Variants in FOXJ2 observed in about 807,000 individuals in gnomAD.
FOXJ2 encodes forkhead box J2.
In FOXJ2, 18 loss-of-function variants were observed where a neutral mutation model predicts 68.4. That is an observed-to-expected ratio of 0.26 (90% CI 0.18 to 0.39). The LOEUF (loss-of-function observed/expected upper bound fraction) is 0.39. Among genes scored for constraint, FOXJ2 ranks in the 10% least tolerant of loss-of-function variants. The pLI is 1.00. For missense variants in FOXJ2, 670 were observed against 726.5 expected (o/e 0.92, Z 0.89); for synonymous variants, 274 against 263.2 (o/e 1.04, Z -0.40).
chr12:8,033,682 G>T lies in FOXJ2; in HGVS notation c.-166G>T, dbSNP rs905378139. Reference sequence around the variant, plus strand: ...TGACTCCTCATCCTCAGGGGACCCAGTTCCCCTCACCAACTTGGGAGGCTC... The same window carrying T: ...TGACTCCTCATCCTCAGGGGACCCATTTCCCCTCACCAACTTGGGAGGCTC... On this transcript the variant is annotated 5_prime_UTR_variant, in exon 1 of 11. Coordinates refer to ENST00000162391, the MANE Select transcript of FOXJ2 (RefSeq NM_018416.3). 1.3e-5 allele frequency: 2 copies of T among 152,782 alleles called. No individual in the cohort carries two copies. Among genetic ancestry groups the T allele is most frequent in the Non-Finnish European group, 2.9e-5 (2 of 68,206 alleles). 9.5% of individuals were successfully genotyped at this position (152,782 alleles called of 1,614,324 possible).
chr12:8,052,030 G>T (rs141849254), intron 10 of FOXJ2, among the ~76,000 whole-genome samples: 7 of 151,904 alleles, frequency 4.6e-5, no homozygotes, highest in African/African-American at 1.7e-4. Flanking sequence ...CACTGTGCCT[G>T]GCTAATTTTT....
rs906698351 is a variant in FOXJ2 at position 8,048,206 on chromosome 12, A to G, written c.1142A>G (p.His381Arg). 6 of 1,611,804 alleles carry G rather than the reference A, an allele frequency of 3.7e-6. No homozygotes were observed. Among genetic ancestry groups the G allele is most frequent in the Non-Finnish European group, 3.4e-6 (4 of 1,178,796 alleles). The part of the protein sequence containing the change: ...QHGGYHPHQH[H>R]PHSHPAQQPP... ...GGAGGCTACCACCCTCATCAGCACC[A>G]TCCCCACTCCCACCCTGCCCAGCAG... Residue 381 changes from histidine (H) to arginine (R), a missense_variant, in exon 7 of 11, where the codon CAT becomes CGT. Physicochemically the swap from His to Arg is conservative, Grantham distance 29. Transcript: ENST00000162391.
At chr12:8,039,732 T>C in intron 1 of FOXJ2, 87 bp from the exon 2 acceptor site, 1 of 1,143,068 alleles carries the variant, frequency 8.7e-7, no homozygotes, top group Non-Finnish European at 1.2e-6. Context: ...GGAATGAGAG[T>C]AGGAAGAAAC....
At chr12:8,039,186 T>A (rs777019315) in intron 1 of FOXJ2, among the ~76,000 whole-genome samples, 1 of 152,126 alleles carries the variant, frequency 6.6e-6, no homozygotes, top group Admixed American at 6.5e-5. Context: ...CTTCACTGTT[T>A]ATGAGTCTGT....
chr12:8,046,308 G>A (rs1380367655), intron 6 of FOXJ2, among the ~76,000 whole-genome samples: 1 of 152,160 alleles, frequency 6.6e-6, no homozygotes, highest in African/African-American at 2.4e-5. Flanking sequence ...AGATGCAAAA[G>A]TGTGGAGAAA....
In FOXJ2 at chr12:8,033,443, G is replaced by C. The variant is rs777996424; in HGVS notation, c.-405G>C. On this transcript the variant is annotated 5_prime_UTR_variant, in exon 1 of 11. Coordinates refer to ENST00000162391, the MANE Select transcript of FOXJ2 (RefSeq NM_018416.3). ...TGCCTAGACAGTGGAACGGGGTGGA[G>C]CCCCTCCGCTCCTATCTCCAGCAGA... 2 of 152,718 alleles carry C rather than the reference G, an allele frequency of 1.3e-5. No homozygotes were observed. Among genetic ancestry groups the C allele is most frequent in the African/African-American group, 4.8e-5 (2 of 41,456 alleles). 9.5% of individuals were successfully genotyped at this position (152,718 alleles called of 1,614,324 possible).
chr12:8,044,109 C>A lies in FOXJ2; in HGVS notation c.618+18C>A. 1 of 1,514,232 alleles carries A rather than the reference C, an allele frequency of 6.6e-7. No homozygotes were observed. 93.8% of individuals were successfully genotyped at this position (1,514,232 alleles called of 1,614,324 possible). A position where few individuals can be genotyped will look rare whatever the true frequency, so the allele number is the denominator to read the frequency against. On this transcript the variant is annotated intron_variant, in intron 5 of 10. Transcript: ENST00000162391. ...ACAGCCAGGTAGGAAGCAGATATGG[C>A]AGGGGTCATGGGATGGGTGGTGAAT...
rs780343025 is a variant in FOXJ2 at position 8,050,729 on chromosome 12, G to A, written c.1636+109G>A. The A allele has an allele frequency of 1.4e-4, 177 of 1,242,404 alleles. 2 individuals are homozygous for A. The South Asian group carries it at 2.2e-3, about 15-fold the overall frequency. 77.0% of individuals were successfully genotyped at this position (1,242,404 alleles called of 1,614,324 possible). A position where few individuals can be genotyped will look rare whatever the true frequency, so the allele number is the denominator to read the frequency against. Reference sequence around the variant, plus strand: ...GCATTTTTGCCTGCATCTCGCTGGAGGGAATGAGCCTTTATAATTCCCAAG... The same window carrying A: ...GCATTTTTGCCTGCATCTCGCTGGAAGGAATGAGCCTTTATAATTCCCAAG... On this transcript the variant is annotated intron_variant, in intron 10 of 10. Coordinates refer to ENST00000162391, the MANE Select transcript of FOXJ2 (RefSeq NM_018416.3).
At chr12:8,048,399 C>A in intron 7 of FOXJ2, 110 bp downstream of exon 7, 1 of 1,467,990 alleles carries the variant, frequency 6.8e-7, no homozygotes, top group Non-Finnish European at 9.0e-7. Flanking sequence ...GTCTTTTAGG[C>A]TTCGCTCCTT....
In FOXJ2 at chr12:8,032,844, G is replaced by A. The variant is rs1164456202; in HGVS notation, c.-1004G>A. On this transcript the variant is annotated 5_prime_UTR_variant, in exon 1 of 11. Coordinates refer to ENST00000162391, the MANE Select transcript of FOXJ2 (RefSeq NM_018416.3). The surrounding 1 kb of genome is among the most constrained non-coding windows in gnomAD (Gnocchi z 4.8). Reference sequence around the variant, plus strand: ...AGCGCGGGGAGCCCCACGCGCCGAAGGGAGCGGACCCGACAGGACGGCCCT... The same window carrying A: ...AGCGCGGGGAGCCCCACGCGCCGAAAGGAGCGGACCCGACAGGACGGCCCT... 3.0e-5 allele frequency: 12 copies of A among 398,144 alleles called. No homozygotes were observed. In the Middle Eastern group the frequency reaches 1.9e-3, roughly 62 times the overall value. The allele number at this position is 398,144 out of a possible 1,614,324, so 24.7% of individuals were successfully genotyped here.
rs752849000 is a variant in FOXJ2, at chr12:8,048,352, G to A, written c.1225+63G>A. Reference sequence around the variant, plus strand: ...GGGGTGATGTCCTTGTCCTAACACCGGCATGGAGGTGCAGTTAGTTAGGAA... The same window carrying A: ...GGGGTGATGTCCTTGTCCTAACACCAGCATGGAGGTGCAGTTAGTTAGGAA... On this transcript the variant is annotated intron_variant, in intron 7 of 10. Coordinates refer to ENST00000162391, the MANE Select transcript of FOXJ2 (RefSeq NM_018416.3). The A allele has an allele frequency of 2.1e-4, 319 of 1,501,488 alleles. No individual in the cohort carries two copies. In the East Asian group the frequency reaches 4.2e-3, roughly 20 times the overall value. The allele number at this position is 1,501,488 out of a possible 1,614,324, so 93.0% of individuals were successfully genotyped here.
In FOXJ2 at chr12:8,048,804, T is replaced by C; in HGVS notation, c.1327+6T>C. ...TGAGCAGTCACAATTCTCAGGTTAGTGATCAAAGGACGAAGGAAGAGAGGG... is the reference window on the plus strand; with the variant it reads ...TGAGCAGTCACAATTCTCAGGTTAGCGATCAAAGGACGAAGGAAGAGAGGG... On this transcript the variant is annotated splice_donor_region_variant and intron_variant, in intron 8 of 10. Coordinates refer to ENST00000162391, the MANE Select transcript of FOXJ2 (RefSeq NM_018416.3). 6.2e-7 allele frequency: 1 copy of C among 1,612,572 alleles called. No homozygotes were observed.
Position 8,043,993 on chromosome 12 carries a change from C to CG in FOXJ2, c.524dup (p.Gly176ArgfsTer13). On this transcript the variant is annotated frameshift_variant, in exon 5 of 11. Transcript: ENST00000162391. LOFTEE classifies it high-confidence loss of function. Reference sequence around the variant, plus strand: ...AGAACAGGAGGCAAGCAAGAGCCCACGGGGAGGCGTTGCAGGGAGTGGAGA... The same window carrying CG: ...AGAACAGGAGGCAAGCAAGAGCCCACGGGGGAGGCGTTGCAGGGAGTGGAGA... 6.3e-7 allele frequency: 1 copy of CG among 1,579,564 alleles called. No individual in the cohort carries two copies. Among genetic ancestry groups the CG allele is most frequent in the Non-Finnish European group, 8.6e-7 (1 of 1,165,126 alleles).
At chr12:8,052,379 C>A (rs142508607) in intron 10 of FOXJ2, among the ~76,000 whole-genome samples, 203 of 152,108 alleles carry the variant, frequency 1.3e-3, no homozygotes, top group African/African-American at 4.7e-3. Flanking sequence ...TGACCACACC[C>A]AGCTAATTTT....
chr12:8,033,887 G>A (rs986198640), intron 1 of FOXJ2, 54 bp downstream of exon 1: 1 of 152,446 alleles, frequency 6.6e-6, no homozygotes, highest in Non-Finnish European at 1.5e-5. Flanking sequence ...AGTGGGTGTA[G>A]GGGGTTGAGC....
At chr12:8,052,157 C>T (rs1291648018) in intron 10 of FOXJ2, among the ~76,000 whole-genome samples, 2 of 151,810 alleles carry the variant, frequency 1.3e-5, no homozygotes, top group African/African-American at 2.4e-5. Context: ...CATGAGCCAC[C>T]ACGCCCAGCC....
chr12:8,052,311 C>T (rs763970277), intron 10 of FOXJ2, among the ~76,000 whole-genome samples: 3 of 152,146 alleles, frequency 2.0e-5, no homozygotes, highest in African/African-American at 2.4e-5. Context: ...CAAGACCTCC[C>T]GGGTTCATGC....
Position 8,044,109 on chromosome 12 carries a change from C to G in FOXJ2, c.618+18C>G. 6.6e-7 allele frequency: 1 copy of G among 1,514,232 alleles called. No individual in the cohort carries two copies. The highest frequency in any genetic ancestry group is 1.4e-5 in the South Asian group (1 of 73,608). 93.8% of individuals were successfully genotyped at this position (1,514,232 alleles called of 1,614,324 possible). ...ACAGCCAGGTAGGAAGCAGATATGGCAGGGGTCATGGGATGGGTGGTGAAT... is the reference window on the plus strand; with the variant it reads ...ACAGCCAGGTAGGAAGCAGATATGGGAGGGGTCATGGGATGGGTGGTGAAT... On this transcript the variant is annotated intron_variant, in intron 5 of 10. Transcript: ENST00000162391.
chr12:8,036,010 A>G (rs1946890387), intron 1 of FOXJ2, among the ~76,000 whole-genome samples: 2 of 152,282 alleles, frequency 1.3e-5, no homozygotes, highest in South Asian at 4.1e-4. Flanking sequence ...TTCTACCTCT[A>G]TAGTCTGTCA....
Sources: gnomAD v4.1 joint callset for allele counts (sites outside exome capture counted in the v4.1 genomes callset) on GRCh38, gnomAD v4.1.1 for gene constraint, Gnocchi (gnomAD v3.1) non-coding constraint, MANE v1.5 for transcripts, NCBI Gene and HGNC (gene_info 2026-07-23, HGNC 2026-07-21) for gene names.